CSMD1: variants seen among roughly 807,000 people sequenced by gnomAD.
CSMD1 encodes the protein CUB and sushi domain-containing protein 1.
Under a neutral mutation model 417.5 loss-of-function variants are expected in CSMD1, and 213 were observed. That is an observed-to-expected ratio of 0.51 (90% confidence interval 0.46 to 0.57). The LOEUF (loss-of-function observed/expected upper bound fraction) is 0.57, where lower values mean the gene tolerates loss of function less well. Ranked by LOEUF, CSMD1 falls within the 20% of genes least tolerant of loss-of-function variation. The pLI is 0.00. For synonymous variants in CSMD1, 2,862 were observed against 1,736.8 expected (o/e 1.65, Z -16.11); for missense variants, 6,923 against 4,529.7 (o/e 1.53, Z -15.17).
chr8:3,125,932 G>T (rs535449661), intron 41 of CSMD1, among the ~76,000 whole-genome samples: 1 of 152,158 alleles, frequency 6.6e-6, no homozygotes, highest in Non-Finnish European at 1.5e-5. Context: ...AGCTGAGATC[G>T]TGCCACTGCA....
chr8:4,734,774 C>T (rs941262704), intron 1 of CSMD1, among the ~76,000 whole-genome samples: 1 of 152,102 alleles, frequency 6.6e-6, no homozygotes, highest in African/African-American at 2.4e-5. Flanking sequence ...TCTGCTCATG[C>T]CATCTTTACT....
intron 1 of CSMD1, among the ~76,000 whole-genome samples, chr8:4,854,623 T>C (rs558511561): frequency 6.6e-6 from 1 of 152,100 alleles, no homozygotes; most frequent in Non-Finnish European, 1.5e-5. Flanking sequence ...GTCAGGGAGT[T>C]CCCTTTCTGA....
intron 5 of CSMD1, among the ~76,000 whole-genome samples, chr8:3,798,477 T>G (rs1240023381): frequency 6.6e-6 from 1 of 152,058 alleles, no homozygotes; most frequent in Non-Finnish European, 1.5e-5. Flanking sequence ...ATTCATATCT[T>G]GTGGATATAC....
At chr8:4,474,226 A>G (rs1279928683) in intron 2 of CSMD1, among the ~76,000 whole-genome samples, 1 of 152,202 alleles carries the variant, frequency 6.6e-6, no homozygotes, top group Non-Finnish European at 1.5e-5. Context: ...GTTGTTTATT[A>G]TAGGTATAAC....
Position 4,479,621 on chromosome 8 carries a change from T to C in CSMD1, c.303-59556A>G, listed in dbSNP as rs1423394685. On this transcript the variant is annotated intron_variant, in intron 2 of 69. Coordinates refer to ENST00000635120, the MANE Select transcript of CSMD1 (RefSeq NM_033225.6). ...CTTTAAAAATGACTTTCCAGCTGGG[T>C]GCAGTGGCTCACGCCTGTAATCCCA... 2.0e-5 allele frequency among the ~76,000 whole-genome samples: 3 copies of C among 152,018 alleles called. No homozygotes were observed. In the East Asian group the frequency reaches 5.8e-4, roughly 29 times the overall value.
chr8:4,735,743 G>C (rs186369444), intron 1 of CSMD1, among the ~76,000 whole-genome samples: 12 of 152,154 alleles, frequency 7.9e-5, no homozygotes, highest in Non-Finnish European at 1.5e-4. Context: ...AAGAGAAAAG[G>C]ACTGTTAGTC....
chr8:3,519,385 T>C (rs1018163821), intron 10 of CSMD1, among the ~76,000 whole-genome samples: 20 of 152,228 alleles, frequency 1.3e-4, no homozygotes, highest in Non-Finnish European at 2.6e-4. Context: ...CTATGGATTA[T>C]GCATATCAAT....
At chr8:4,218,514 C>T (rs892104847) in intron 3 of CSMD1, among the ~76,000 whole-genome samples, 3 of 152,156 alleles carry the variant, frequency 2.0e-5, no homozygotes, top group Non-Finnish European at 4.4e-5. Context: ...ATAATATTTG[C>T]ATTTATGCCT....
At chr8:3,153,972 G>T (rs1237905262) in intron 39 of CSMD1, among the ~76,000 whole-genome samples, 1 of 152,122 alleles carries the variant, frequency 6.6e-6, no homozygotes, top group Non-Finnish European at 1.5e-5. Context: ...TTCTTCCTTT[G>T]TAACTTTTTT....
intron 6 of CSMD1, among the ~76,000 whole-genome samples, chr8:3,746,255 C>A (rs190457624): frequency 2.0e-5 from 3 of 152,142 alleles, no homozygotes; most frequent in Admixed American, 6.5e-5. Flanking sequence ...CTATAAACTG[C>A]GGGAAAACAA....
At chr8:4,433,391 A>C (rs1016758940) in intron 2 of CSMD1, among the ~76,000 whole-genome samples, 2 of 152,138 alleles carry the variant, frequency 1.3e-5, no homozygotes, top group African/African-American at 2.4e-5. Flanking sequence ...ATCATTACAT[A>C]AATTTCTACT....
intron 3 of CSMD1, among the ~76,000 whole-genome samples, chr8:4,148,124 A>C (rs536143197): frequency 6.6e-6 from 1 of 152,128 alleles, no homozygotes; most frequent in Non-Finnish European, 1.5e-5. Flanking sequence ...TGCGCGTGAC[A>C]TGCTCTGGGT....
At chr8:4,520,513 G>C (rs945554261) in intron 2 of CSMD1, among the ~76,000 whole-genome samples, 7 of 152,118 alleles carry the variant, frequency 4.6e-5, no homozygotes, top group Admixed American at 2.0e-4. Flanking sequence ...AGCAGAGAAA[G>C]ACATCCCGAT....
intron 1 of CSMD1, among the ~76,000 whole-genome samples, chr8:4,756,320 A>C (rs2117072749): frequency 6.6e-6 from 1 of 152,308 alleles, no homozygotes; most frequent in Admixed American, 6.5e-5. Context: ...GAAGATTTCC[A>C]GAAACACCAT....
chr8:4,543,478 C>T (rs1797490273), intron 2 of CSMD1, among the ~76,000 whole-genome samples: 2 of 151,916 alleles, frequency 1.3e-5, no homozygotes, highest in South Asian at 4.2e-4. Flanking sequence ...TAATTGTTTC[C>T]CTTTAGCCCT....
At chr8:4,261,047 G>C (rs935618436) in intron 3 of CSMD1, among the ~76,000 whole-genome samples, 3 of 152,162 alleles carry the variant, frequency 2.0e-5, no homozygotes, top group African/African-American at 7.2e-5. Context: ...TGCTTTAACG[G>C]TGAATTTAGG....
At chr8:3,972,314 C>T (rs974878198) in intron 5 of CSMD1, among the ~76,000 whole-genome samples, 1 of 152,120 alleles carries the variant, frequency 6.6e-6, no homozygotes, top group Non-Finnish European at 1.5e-5. Context: ...TGTTAGAAAT[C>T]CAGTTTTCCA....
At position 3,493,699 on chromosome 8, in the gene CSMD1, C is replaced by G. The variant is rs544612693; in HGVS notation, c.1372G>C (p.Glu458Gln). ...KVIKLAFEEFELERGYDTLTV... is the reference protein window; with the variant it reads ...KVIKLAFEEFQLERGYDTLTV... ...AGGGTGTCATAGCCTCGCTCCAGCTCAAACTCTTCAAAGGCAAGCTTGATG... is the reference window on the plus strand; with the variant it reads ...AGGGTGTCATAGCCTCGCTCCAGCTGAAACTCTTCAAAGGCAAGCTTGATG... The change falls in exon 11 of 70, where the codon GAG (glutamate) becomes CAG (glutamine). Residue 458 changes from glutamate (E) to glutamine (Q), a missense_variant. By Grantham distance (29) the Glu-to-Gln change is conservative. Transcript: ENST00000635120. 2 of 1,611,418 alleles carry G rather than the reference C, an allele frequency of 1.2e-6. No individual in the cohort carries two copies. Among genetic ancestry groups the G allele is most frequent in the East Asian group, 2.2e-5 (1 of 44,798 alleles).
At chr8:3,791,059 T>C (rs1483803655) in intron 5 of CSMD1, among the ~76,000 whole-genome samples, 1 of 152,242 alleles carries the variant, frequency 6.6e-6, no homozygotes, top group Non-Finnish European at 1.5e-5. Context: ...ATATGATTTA[T>C]GGCTACTTGG....
Sources: allele counts gnomAD v4.1 joint callset (sites outside exome capture counted in the v4.1 genomes callset), GRCh38; gene constraint gnomAD v4.1.1; transcripts MANE v1.5; gene names NCBI Gene and HGNC (gene_info 2026-07-23, HGNC 2026-07-21).